GRM7: variants seen among roughly 807,000 people sequenced by gnomAD.
The protein encoded by GRM7 is glutamate metabotropic receptor 7.
In GRM7, 35 loss-of-function variants were observed where a neutral mutation model predicts 84.5. The ratio of observed to expected loss-of-function variants is 0.41; its 90% CI spans 0.32 to 0.55. GRM7 has a LOEUF of 0.55. Ranked by LOEUF, GRM7 falls within the 20% of genes least tolerant of loss-of-function variation. The probability of loss-of-function intolerance (pLI) is 0.19; values close to 1 mark genes in which losing one functional copy is unlikely to be tolerated. For synonymous variants in GRM7, 487 were observed against 455.1 expected (o/e 1.07, Z -0.89); for missense variants, 1,003 against 1,194.6 (o/e 0.84, Z 2.36).
chr3:6,906,219 T>C (rs1696574231), intron 1 of GRM7, among the ~76,000 whole-genome samples: 1 of 152,158 alleles, frequency 6.6e-6, no homozygotes, highest in Non-Finnish European at 1.5e-5. Context: ...ATAATATCGT[T>C]AGGATCTGAC....
intron 5 of GRM7, among the ~76,000 whole-genome samples, chr3:7,416,341 G>A (rs1696158098): frequency 6.6e-6 from 1 of 152,106 alleles, no homozygotes; most frequent in African/African-American, 2.4e-5. Flanking sequence ...AATTTGTAGT[G>A]ATGACCTTCA....
intron 9 of GRM7, among the ~76,000 whole-genome samples, chr3:7,726,617 A>C (rs1039059767): frequency 0.096 from 1,157 of 11,994 alleles, 44 homozygotes; most frequent in African/African-American, 0.19. Flanking sequence ...CTCCCTCTAT[A>C]TATATATATA....
intron 1 of GRM7, among the ~76,000 whole-genome samples, chr3:6,971,827 G>C (rs189389626): frequency 6.6e-6 from 1 of 152,006 alleles, no homozygotes; most frequent in Non-Finnish European, 1.5e-5. Flanking sequence ...AAAAGAAGTG[G>C]CACTTAACTA....
intron 1 of GRM7, among the ~76,000 whole-genome samples, chr3:6,979,429 T>A (rs1015115872): frequency 6.6e-6 from 1 of 152,190 alleles, no homozygotes; most frequent in Non-Finnish European, 1.5e-5. Flanking sequence ...CATAGACATG[T>A]GCTTTGCAGA....
At chr3:7,161,758 T>A (rs979456834) in intron 2 of GRM7, among the ~76,000 whole-genome samples, 2 of 152,212 alleles carry the variant, frequency 1.3e-5, no homozygotes, top group African/African-American at 4.8e-5. Flanking sequence ...CTATTCTAGA[T>A]CCTAGGGGTG....
At chr3:7,413,308 C>T (rs567741236) in intron 4 of GRM7, among the ~76,000 whole-genome samples, 1 of 152,278 alleles carries the variant, frequency 6.6e-6, no homozygotes, top group South Asian at 2.1e-4. Context: ...AAATACATGG[C>T]TACAACAAGA....
At chr3:7,132,240 G>A (rs754874202) in intron 1 of GRM7, among the ~76,000 whole-genome samples, 1 of 152,150 alleles carries the variant, frequency 6.6e-6, no homozygotes, top group African/African-American at 2.4e-5. Context: ...CATTCTGGGG[G>A]GAAGGGATTA....
intron 2 of GRM7, among the ~76,000 whole-genome samples, chr3:7,180,354 G>A (rs1695294482): frequency 2.0e-5 from 3 of 152,128 alleles, no homozygotes. Flanking sequence ...CTTAGGTGCA[G>A]GAGGCTCATA....
At chr3:7,222,994 G>T (rs1285984720) in intron 2 of GRM7, among the ~76,000 whole-genome samples, 1 of 151,946 alleles carries the variant, frequency 6.6e-6, no homozygotes, top group Non-Finnish European at 1.5e-5. Context: ...CTCATATTTT[G>T]ATTCATGTTA....
chr3:7,694,646 C>T (rs1398144680), intron 9 of GRM7, among the ~76,000 whole-genome samples: 1 of 152,144 alleles, frequency 6.6e-6, no homozygotes, highest in African/African-American at 2.4e-5. Context: ...TTTAAACACA[C>T]TCAGTTTTCA....
In GRM7 at chr3:7,409,788, GGT is replaced by G. The variant is rs1329031375; in HGVS notation, c.1034-5234_1034-5233del. Among the ~76,000 whole-genome samples, 8 of 151,964 alleles carry G rather than the reference GGT, an allele frequency of 5.3e-5. No individual in the cohort carries two copies. In the South Asian group the frequency reaches 6.3e-4, roughly 12 times the overall value. ...GCGAATTTTTTGTATTTTTAGTAGA[GGT>G]AGGGTTTCACCATGTTGGCCAGGAT... On this transcript the variant is annotated intron_variant, in intron 4 of 9. Transcript: ENST00000357716.
chr3:7,206,757 T>C (rs1696253690), intron 2 of GRM7, among the ~76,000 whole-genome samples: 2 of 152,166 alleles, frequency 1.3e-5, no homozygotes, highest in Non-Finnish European at 2.9e-5. Context: ...CATGTGACTA[T>C]AATTGGTCTT....
chr3:7,166,411 G>C (rs984803087), intron 2 of GRM7, among the ~76,000 whole-genome samples: 1 of 152,060 alleles, frequency 6.6e-6, no homozygotes, highest in Admixed American at 6.5e-5. Context: ...GTTTCCCTCT[G>C]TCCCAATAAG....
chr3:7,437,969 TA>T lies in GRM7; in HGVS notation c.1175-14628del, dbSNP rs56264998. On this transcript the variant is annotated intron_variant, in intron 5 of 9. Coordinates refer to ENST00000357716, the MANE Select transcript of GRM7 (RefSeq NM_000844.4). ...AATTAGAATATGCTTGAAATTTGTT[TA>T]AAAAAAAAAGGTCACAGAACATTAA... Among the ~76,000 whole-genome samples, 44 of 147,996 alleles carry T rather than the reference TA, an allele frequency of 3.0e-4. No homozygotes were observed. In the East Asian group the frequency reaches 5.1e-3, roughly 17 times the overall value.
chr3:6,883,840 T>G (rs560970255), intron 1 of GRM7, among the ~76,000 whole-genome samples: 3 of 152,302 alleles, frequency 2.0e-5, no homozygotes, highest in African/African-American at 4.8e-5. Context: ...AGCCAACATG[T>G]GTTGTCAAGT....
chr3:7,193,862 G>A (rs1234311339), intron 2 of GRM7, among the ~76,000 whole-genome samples: 1 of 152,056 alleles, frequency 6.6e-6, no homozygotes, highest in Non-Finnish European at 1.5e-5. Flanking sequence ...AAGAAACCTT[G>A]TAGCACCAGA....
chr3:6,907,276 C>T lies in GRM7; in HGVS notation c.519+45369C>T, dbSNP rs574125853. Among the ~76,000 whole-genome samples the T allele has an allele frequency of 1.0e-3, 152 of 152,260 alleles. 1 individual carries two copies. In the South Asian group the frequency reaches 0.022, roughly 22 times the overall value. Reference sequence around the variant, plus strand: ...AAAGTAAAAAGGGGAAATTCTTCATCGTTCCTGTCTCTCACCTTCACAGGT... The same window carrying T: ...AAAGTAAAAAGGGGAAATTCTTCATTGTTCCTGTCTCTCACCTTCACAGGT... On this transcript the variant is annotated intron_variant, in intron 1 of 9. Transcript: ENST00000357716.
chr3:7,098,554 A>G (rs2125016829), intron 1 of GRM7, among the ~76,000 whole-genome samples: 1 of 152,130 alleles, frequency 6.6e-6, no homozygotes, highest in South Asian at 2.1e-4. Context: ...CCACATATTT[A>G]TGCATTCTAC....
chr3:6,983,068 A>G (rs1283666191), intron 1 of GRM7, among the ~76,000 whole-genome samples: 1 of 152,224 alleles, frequency 6.6e-6, no homozygotes, highest in African/African-American at 2.4e-5. Flanking sequence ...TGAATTGTCT[A>G]TAATTATAAA....
Sources: gnomAD v4.1 joint callset for allele counts (sites outside exome capture counted in the v4.1 genomes callset) on GRCh38, gnomAD v4.1.1 for gene constraint, MANE v1.5 for transcripts, NCBI Gene and HGNC (gene_info 2026-07-23, HGNC 2026-07-21) for gene names.